The following GALNT13 variants were observed in gnomAD, a reference collection of about 807,000 sequenced individuals.
GALNT13 encodes the protein UDP-GalNAc:polypeptide N-acetylgalactosaminyltransferase 13.
GALNT13 carries 28 observed loss-of-function variants against 64.2 expected under a neutral mutation model. That is an observed-to-expected ratio of 0.44 (90% CI 0.32 to 0.60). The LOEUF (loss-of-function observed/expected upper bound fraction) is 0.60. GALNT13 is among the 20% of genes least tolerant of loss of function. GALNT13 has a pLI of 0.05. For missense variants in GALNT13, 577 were observed against 669.8 expected, an observed-to-expected ratio of 0.86 and a Z score of 1.53; for synonymous variants, 214 against 224.6, an observed-to-expected ratio of 0.95 and a Z score of 0.42.
At chr2:154,350,241 T>C (rs1162582698) in intron 9 of GALNT13, among the ~76,000 whole-genome samples, 2 of 152,154 alleles carry the variant, frequency 1.3e-5, no homozygotes, top group Non-Finnish European at 2.9e-5. Flanking sequence ...AGATTAACAT[T>C]TGAGTCAGTG....
At chr2:153,826,672 C>T in the GALNT13 span, among the ~76,000 whole-genome samples, 65 of 139,640 alleles carry the variant, frequency 4.7e-4, no homozygotes, top group East Asian at 0.013. Flanking sequence ...TTTTTAATGG[C>T]CCCTATAGCT....
At chr2:153,426,592 A>G in the GALNT13 span, among the ~76,000 whole-genome samples, 1 of 152,086 alleles carries the variant, frequency 6.6e-6, no homozygotes. Flanking sequence ...TCATGTGCAT[A>G]TACTCTGTGC....
the GALNT13 span, among the ~76,000 whole-genome samples, chr2:153,451,188 G>A: frequency 1.3e-5 from 2 of 151,908 alleles, 1 homozygote; most frequent in Middle Eastern, 6.3e-3. Context: ...AATATATTTT[G>A]ACCTAAAATC....
chr2:153,124,190 G>A, the GALNT13 span, among the ~76,000 whole-genome samples: 9 of 152,160 alleles, frequency 5.9e-5, no homozygotes, highest in African/African-American at 1.7e-4. Context: ...TTAGTGTAAT[G>A]TGTTAAGTTT....
the GALNT13 span, among the ~76,000 whole-genome samples, chr2:153,197,847 C>A: frequency 1.3e-5 from 2 of 152,280 alleles, no homozygotes; most frequent in Admixed American, 1.3e-4. Context: ...TGCAAGTGTG[C>A]GGCAGCCTTG....
chr2:153,915,659 G>A (rs1313567316), intron 2 of GALNT13, among the ~76,000 whole-genome samples: 1 of 151,242 alleles, frequency 6.6e-6, no homozygotes, highest in Admixed American at 6.6e-5. Context: ...TGAAATTATA[G>A]CTCCTAGATC....
chr2:153,547,630 C>T, the GALNT13 span, among the ~76,000 whole-genome samples: 1 of 152,156 alleles, frequency 6.6e-6, no homozygotes, highest in Non-Finnish European at 1.5e-5. Flanking sequence ...TTCCCACCCT[C>T]TTGGAGCTTA....
intron 11 of GALNT13, among the ~76,000 whole-genome samples, chr2:154,434,271 GT>G (rs956796924): frequency 3.9e-5 from 6 of 152,062 alleles, no homozygotes; most frequent in Non-Finnish European, 5.9e-5. Context: ...TGGTTTGTTT[GT>G]TTTTTTTAGA....
At chr2:154,141,158 A>G (rs964443891) in intron 4 of GALNT13, among the ~76,000 whole-genome samples, 1 of 152,138 alleles carries the variant, frequency 6.6e-6, no homozygotes, top group Non-Finnish European at 1.5e-5. Flanking sequence ...GCAGGACTGA[A>G]AGTTGCTCTG....
intron 10 of GALNT13, among the ~76,000 whole-genome samples, chr2:154,403,684 T>G (rs1009557768): frequency 6.6e-6 from 1 of 152,146 alleles, no homozygotes; most frequent in Non-Finnish European, 1.5e-5. Flanking sequence ...TTTAGGCTTT[T>G]TGACCTGGTC....
chr2:153,150,319 GTTTGT>G, the GALNT13 span, among the ~76,000 whole-genome samples: 1 of 93,100 alleles, frequency 1.1e-5, no homozygotes, highest in African/African-American at 5.9e-5. Flanking sequence ...TGATGGGGTT[GTTTGT>G]TTTTTTTCTT....
the GALNT13 span, among the ~76,000 whole-genome samples, chr2:153,411,599 G>A: frequency 6.6e-6 from 1 of 152,150 alleles, no homozygotes; most frequent in Non-Finnish European, 1.5e-5. Context: ...CACTGGGGTA[G>A]TAGCATGAGA....
the GALNT13 span, among the ~76,000 whole-genome samples, chr2:153,689,468 G>A: frequency 6.6e-6 from 1 of 151,816 alleles, no homozygotes; most frequent in Non-Finnish European, 1.5e-5. Flanking sequence ...CCATTCTGTG[G>A]TTTGCCTTTA....
chr2:154,028,875 G>A (rs1698154097), intron 3 of GALNT13, among the ~76,000 whole-genome samples: 1 of 151,960 alleles, frequency 6.6e-6, no homozygotes, highest in South Asian at 2.1e-4. Flanking sequence ...AAAAAAACTA[G>A]AAAGTTTGCA....
In GALNT13 at chr2:154,285,652, A is replaced by G. The variant is rs1306722779; in HGVS notation, c.976-15757A>G. ...GTGTATTTTGAAATCAGGAAATGTG[A>G]TGCTCAAGCTTTGCTCTTTTTGTTC... On this transcript the variant is annotated intron_variant, in intron 8 of 12. Transcript: ENST00000392825. Among the ~76,000 whole-genome samples the G allele has an allele frequency of 2.0e-5, 3 of 152,110 alleles. No homozygotes were observed. The South Asian group carries it at 6.2e-4, about 32-fold the overall frequency.
At chr2:153,560,394 A>G in the GALNT13 span, among the ~76,000 whole-genome samples, 129 of 152,192 alleles carry the variant, frequency 8.5e-4, no homozygotes, top group African/African-American at 3.1e-3. Context: ...AGCGATAGGA[A>G]TGAACGTGTT....
intron 4 of GALNT13, among the ~76,000 whole-genome samples, chr2:154,233,642 A>G (rs1025256596): frequency 2.0e-5 from 3 of 152,270 alleles, no homozygotes; most frequent in Admixed American, 6.5e-5. Flanking sequence ...CCTGCTATAT[A>G]ATTAGTATAT....
chr2:153,174,146 T>G, the GALNT13 span, among the ~76,000 whole-genome samples: 3 of 152,188 alleles, frequency 2.0e-5, no homozygotes, highest in African/African-American at 7.2e-5. Flanking sequence ...GAGGGTGCTA[T>G]GCCCTGGGCC....
chr2:154,322,089 A>T (rs1694651690), intron 9 of GALNT13, among the ~76,000 whole-genome samples: 1 of 151,328 alleles, frequency 6.6e-6, no homozygotes, highest in Non-Finnish European at 1.5e-5. Flanking sequence ...AGGATTCTAA[A>T]GGCAAGAAAG....
Sources: gnomAD v4.1 joint callset for allele counts (sites outside exome capture counted in the v4.1 genomes callset) on GRCh38, gnomAD v4.1.1 for gene constraint, MANE v1.5 for transcripts, NCBI Gene and HGNC (gene_info 2026-07-23, HGNC 2026-07-21) for gene names.